The following NOX4 variants were observed in gnomAD, a reference collection of about 807,000 sequenced individuals.
The protein encoded by NOX4 is kidney oxidase-1.
A neutral mutation model predicts 87.6 loss-of-function variants in NOX4; 69 were observed. The observed-to-expected ratio is 0.79, with a 90% CI of 0.65 to 0.96. The LOEUF (loss-of-function observed/expected upper bound fraction) is 0.96, where lower values mean the gene tolerates loss of function less well. Among genes scored for constraint, NOX4 ranks in the 40% least tolerant of loss-of-function variants. The pLI, the probability that NOX4 is intolerant of heterozygous loss-of-function variation, is 0.00. For synonymous variants in NOX4, 275 were observed against 238.2 expected, an observed-to-expected ratio of 1.15 and a Z score of -1.42; for missense variants, 680 against 681.5, an observed-to-expected ratio of 1.00 and a Z score of 0.02.
At chr11:89,428,749 A>G (rs1257303474) in intron 7 of NOX4, among the ~76,000 whole-genome samples, 1 of 152,136 alleles carries the variant, frequency 6.6e-6, no homozygotes, top group South Asian at 2.1e-4. Flanking sequence ...GACTTAGACA[A>G]CCACACAATA....
intron 2 of NOX4, among the ~76,000 whole-genome samples, chr11:89,471,431 A>G (rs918730240): frequency 6.6e-6 from 1 of 152,230 alleles, no homozygotes; most frequent in African/African-American, 2.4e-5. Context: ...GAGAAACCAC[A>G]TAAAGTAAGC....
chr11:89,427,507 C>A (rs1165007403), intron 7 of NOX4, among the ~76,000 whole-genome samples: 2 of 152,000 alleles, frequency 1.3e-5, no homozygotes, highest in African/African-American at 2.4e-5. Context: ...ACTAGAATAA[C>A]CAGTGTAGAG....
intron 6 of NOX4, among the ~76,000 whole-genome samples, chr11:89,440,018 G>A (rs1944388432): frequency 6.6e-6 from 1 of 151,984 alleles, no homozygotes; most frequent in African/African-American, 2.4e-5. Flanking sequence ...TTGAGGGCAG[G>A]AGCCTGTTAA....
At chr11:89,469,678 T>C (rs189204061) in intron 2 of NOX4, among the ~76,000 whole-genome samples, 4 of 152,318 alleles carry the variant, frequency 2.6e-5, no homozygotes, top group African/African-American at 9.6e-5. Context: ...TCCCTTGCAA[T>C]GCATCACTCC....
rs79383695 is a variant in NOX4, at chr11:89,422,295, T to C, written c.549-313A>G. The stretch of plus-strand genomic sequence containing the variant: ...AGAAGCAGATAGTAGTCTGCTAATA[T>C]GTACTTTGGCTATTATTTTATCAAT... On this transcript the variant is annotated intron_variant, in intron 7 of 17. Transcript: ENST00000263317. Among the ~76,000 whole-genome samples, 17 of 152,310 alleles carry C rather than the reference T, an allele frequency of 1.1e-4. No homozygotes were observed. In the East Asian group the frequency reaches 3.3e-3, roughly 29 times the overall value.
At chr11:89,564,764 T>TTA in the NOX4 span, among the ~76,000 whole-genome samples, 1 of 151,654 alleles carries the variant, frequency 6.6e-6, no homozygotes, top group African/African-American at 2.4e-5. Flanking sequence ...GTTTTTTTTT[T>TTA]AATAGTTTCC....
chr11:89,481,420 C>T (rs1481898503), intron 2 of NOX4, among the ~76,000 whole-genome samples: 3 of 151,962 alleles, frequency 2.0e-5, no homozygotes, highest in Admixed American at 6.6e-5. Flanking sequence ...ACTTCACCTG[C>T]ATTTTCTCAT....
In NOX4 at chr11:89,444,112, A is replaced by G. The variant is rs1357982083; in HGVS notation, c.447+23T>C. On this transcript the variant is annotated intron_variant, in intron 5 of 17. Coordinates refer to ENST00000263317, the MANE Select transcript of NOX4 (RefSeq NM_016931.5). ...TCATCTCATGACAAGTGAAAGAAAA[A>G]TGGGAAGACAGAGACCACCCACCTC... is the stretch of plus-strand genomic sequence containing the variant. 7 of 1,602,962 alleles carry G rather than the reference A, an allele frequency of 4.4e-6. No individual in the cohort carries two copies. In the Admixed American group the frequency reaches 8.3e-5, roughly 19 times the overall value.
intron 2 of NOX4, among the ~76,000 whole-genome samples, chr11:89,465,946 A>G (rs141827990): frequency 2.2e-3 from 329 of 152,110 alleles, no homozygotes; most frequent in African/African-American, 7.3e-3. Context: ...CTCTGATGGG[A>G]TCTGATTAAA....
the NOX4 span, among the ~76,000 whole-genome samples, chr11:89,555,244 A>G: frequency 6.6e-6 from 1 of 152,088 alleles, no homozygotes; most frequent in Non-Finnish European, 1.5e-5. Flanking sequence ...AACACTTTGG[A>G]AGGCCAAGGC....
chr11:89,430,759 C>T (rs1002693994), intron 7 of NOX4, among the ~76,000 whole-genome samples: 8 of 152,102 alleles, frequency 5.3e-5, no homozygotes, highest in Non-Finnish European at 8.8e-5. Flanking sequence ...GAATCAATAT[C>T]GTGAAAATGG....
chr11:89,347,680 C>G (rs1946276660), intron 13 of NOX4, among the ~76,000 whole-genome samples: 1 of 152,120 alleles, frequency 6.6e-6, no homozygotes, highest in Non-Finnish European at 1.5e-5. Context: ...CTTTCCTTCT[C>G]CCTCTCTCTC....
the NOX4 span, among the ~76,000 whole-genome samples, chr11:89,553,615 C>T: frequency 1.3e-5 from 2 of 150,118 alleles, no homozygotes; most frequent in African/African-American, 4.9e-5. Context: ...AGTAGAGAGA[C>T]AAAAAAAAAT....
rs1945225481 is a variant in NOX4 at position 89,326,497 on chromosome 11, T to C, written c.*259A>G. The C allele has an allele frequency of 3.5e-6, 1 of 281,952 alleles. No individual in the cohort carries two copies. Among genetic ancestry groups the C allele is most frequent in the African/African-American group, 2.2e-5 (1 of 45,048 alleles). The allele number at this position is 281,952 out of a possible 1,614,324, so 17.5% of individuals were successfully genotyped here. On this transcript the variant is annotated 3_prime_UTR_variant, in exon 18 of 18. Transcript: ENST00000263317. ...CCACCATGAAAATCAACAGTGTGCA[T>C]CTAACAGTTTTCTTTTAATTTGAGA... is the stretch of plus-strand genomic sequence containing the variant.
rs1565158757 is a variant in NOX4, at chr11:89,325,115, C to CCTTTTTTTTTTTTTTTTTTTTTTTTTTTT, written c.*1640_*1641insAAAAAAAAAAAAAAAAAAAAAAAAAAAAG. 1.3e-5 allele frequency: 1 copy of CCTTTTTTTTTTTTTTTTTTTTTTTTTTTT among 76,332 alleles called. No homozygotes were observed. 4.7% of individuals were successfully genotyped at this position (76,332 alleles called of 1,614,324 possible). ...ACTAAACTGTATGAATGCTTTAATTCTTTTTTTTTTTTTTTTTTTTTTTTT... is the reference window on the plus strand; with the variant it reads ...ACTAAACTGTATGAATGCTTTAATTCCTTTTTTTTTTTTTTTTTTTTTTTTTTTTTTTTTTTTTTTTTTTTTTTTTTTTT... On this transcript the variant is annotated 3_prime_UTR_variant, in exon 18 of 18. Transcript: ENST00000263317.
chr11:89,365,861 TA>T (rs992955328), intron 12 of NOX4, among the ~76,000 whole-genome samples: 1 of 151,944 alleles, frequency 6.6e-6, no homozygotes, highest in African/African-American at 2.4e-5. Context: ...TATGGGCCTT[TA>T]AAGCCAATAG....
At chr11:89,342,031 C>T (rs1946024452) in intron 14 of NOX4, 43 bp downstream of exon 14, 1 of 1,487,594 alleles carries the variant, frequency 6.7e-7, no homozygotes, top group Non-Finnish European at 9.2e-7. Flanking sequence ...GAAATATTGG[C>T]AGTTCTCTAT....
chr11:89,470,742 C>T (rs1480005581), intron 2 of NOX4, among the ~76,000 whole-genome samples: 1 of 152,146 alleles, frequency 6.6e-6, no homozygotes, highest in Non-Finnish European at 1.5e-5. Flanking sequence ...TTGGTCCCAA[C>T]TTATATTCCA....
chr11:89,424,475 T>C (rs576802251), intron 7 of NOX4, among the ~76,000 whole-genome samples: 1 of 150,976 alleles, frequency 6.6e-6, no homozygotes, highest in East Asian at 1.9e-4. Flanking sequence ...TTTTTTACTA[T>C]ATGTAAATAT....
Sources: gnomAD v4.1 joint callset for allele counts (sites outside exome capture counted in the v4.1 genomes callset) on GRCh38, gnomAD v4.1.1 for gene constraint, MANE v1.5 for transcripts, NCBI Gene and HGNC (gene_info 2026-07-23, HGNC 2026-07-21) for gene names.